FTCD: variants seen among roughly 807,000 people sequenced by gnomAD.
FTCD encodes formimidoyltransferase-cyclodeaminase.
A neutral mutation model predicts 62.9 loss-of-function variants in FTCD; 76 were observed. The ratio of observed to expected loss-of-function variants is 1.21; its 90% CI spans 1.00 to 1.46. The LOEUF (loss-of-function observed/expected upper bound fraction) is 1.46. Among genes scored for constraint, FTCD ranks in the 40% most tolerant of loss-of-function variants. FTCD has a pLI of 0.00. For missense variants in FTCD, 845 were observed against 751.3 expected (o/e 1.12, Z -1.46); for synonymous variants, 397 against 336.9 (o/e 1.18, Z -1.95).
Position 46,145,867 on chromosome 21 carries a change from C to A in FTCD, c.1049G>T (p.Arg350Leu), listed in dbSNP as rs746047395. 6.9e-7 allele frequency: 1 copy of A among 1,456,070 alleles called. No homozygotes were observed. Among genetic ancestry groups the A allele is most frequent in the South Asian group, 1.3e-5 (1 of 77,342 alleles). 90.2% of individuals were successfully genotyped at this position (1,456,070 alleles called of 1,614,324 possible). ...CGAGCCGCCCCCGGGGGCCGCAGAG[C>A]GGGCACCCACCTCCCCCACGAAGGC... ...LRAFVGEVGA[R>L]SAAPGGGSVA... Residue 350 changes from arginine to leucine, a missense_variant, in exon 9 of 14, where the codon CGC becomes CTC. Coordinates refer to ENST00000397746, the MANE Select transcript of FTCD (RefSeq NM_206965.2).
chr21:46,154,971 C>T (rs558613255), intron 1 of FTCD, among the ~76,000 whole-genome samples: 1 of 152,178 alleles, frequency 6.6e-6, no homozygotes, highest in Non-Finnish European at 1.5e-5. Context: ...GGCGAGAGGC[C>T]GGACCTGGGG....
intron 10 of FTCD, among the ~76,000 whole-genome samples, chr21:46,144,340 C>T (rs1438549238): frequency 6.9e-6 from 1 of 145,974 alleles, no homozygotes; most frequent in Non-Finnish European, 1.5e-5. Flanking sequence ...AACCCACAGA[C>T]CCTGTAGGGC....
At chr21:46,155,421 C>A (rs1045059012) in intron 1 of FTCD, 49 bp downstream of exon 1, 16 of 1,497,500 alleles carry the variant, frequency 1.1e-5, no homozygotes, top group Non-Finnish European at 1.5e-5. Flanking sequence ...CTTAGCCACT[C>A]AAGCTGCCCC....
intron 10 of FTCD, among the ~76,000 whole-genome samples, chr21:46,143,938 T>G (rs1944738416): frequency 6.6e-6 from 1 of 152,146 alleles, no homozygotes; most frequent in African/African-American, 2.4e-5. Context: ...CCTGTTTCAC[T>G]TTTATGTTCC....
At position 46,151,622 on chromosome 21, in the gene FTCD, C is replaced by T. The variant is rs776013471; in HGVS notation, c.572G>A (p.Gly191Asp). 1 of 1,612,908 alleles carries T rather than the reference C, an allele frequency of 6.2e-7. No homozygotes were observed. The highest frequency in any genetic ancestry group is 1.3e-5 in the African/African-American group (1 of 74,944). ...FLIAFNINLL[G>D]TKEQAHRIAL... ...GATGCGGTGGGCTTGCTCCTTTGTG[C>T]CGAGCAGGTTGATGTTAAAAGCAAT... Residue 191 changes from glycine to aspartate, a missense_variant, in exon 5 of 14, where the codon GGC (glycine) becomes GAC (aspartate). By Grantham distance (94) the Gly-to-Asp change is moderately conservative. Transcript: ENST00000397746.
In FTCD at chr21:46,137,257, G is replaced by T; in HGVS notation, c.1521C>A (p.Asp507Glu). The change falls in exon 13 of 14, where the codon GAC becomes GAA. Residue 507 changes from aspartate (D) to glutamate (E), a missense_variant. Physicochemically the swap from Asp to Glu is conservative, Grantham distance 45. Transcript: ENST00000397746. ...NVLINLRDITDEAFKDQIHHR... is the reference protein window; with the variant it reads ...NVLINLRDITEEAFKDQIHHR... Reference sequence around the variant, plus strand: ...TGCTCACCTGGTCCTTAAATGCCTCGTCTGTGATGTCCCTCAGGTTGATGA... The same window carrying T: ...TGCTCACCTGGTCCTTAAATGCCTCTTCTGTGATGTCCCTCAGGTTGATGA... 3.7e-6 allele frequency: 6 copies of T among 1,613,012 alleles called. No homozygotes were observed. The highest frequency in any genetic ancestry group is 5.1e-6 in the Non-Finnish European group (6 of 1,179,120).
intron 2 of FTCD, among the ~76,000 whole-genome samples, chr21:46,153,583 C>T (rs940559654): frequency 6.6e-6 from 1 of 152,224 alleles, no homozygotes; most frequent in Non-Finnish European, 1.5e-5. Flanking sequence ...CAGCCTCCCC[C>T]GCCTTTGCCG....
chr21:46,144,213 G>A (rs1298351693), intron 10 of FTCD, among the ~76,000 whole-genome samples: 9 of 151,428 alleles, frequency 5.9e-5, no homozygotes, highest in Admixed American at 5.9e-4. Flanking sequence ...AGGCATTCAG[G>A]GCCACTACCG....
rs576545917 is a variant in FTCD at position 46,143,756 on chromosome 21, T to G, written c.1260+1661A>C. On this transcript the variant is annotated intron_variant, in intron 10 of 13. Coordinates refer to ENST00000397746, the MANE Select transcript of FTCD (RefSeq NM_206965.2). Reference sequence around the variant, plus strand: ...CCAAGCGGAGCATGGTCTATGGTAGTGTCAGTGCCAAAGAAAAGCATCCGC... The same window carrying G: ...CCAAGCGGAGCATGGTCTATGGTAGGGTCAGTGCCAAAGAAAAGCATCCGC... Among the ~76,000 whole-genome samples the G allele has an allele frequency of 3.9e-5, 6 of 152,280 alleles. No homozygotes were observed. The East Asian group carries it at 9.7e-4, about 25-fold the overall frequency.
intron 10 of FTCD, among the ~76,000 whole-genome samples, chr21:46,141,285 G>A (rs1392766929): frequency 1.3e-5 from 2 of 150,398 alleles, no homozygotes; most frequent in South Asian, 2.1e-4. Flanking sequence ...ACAGGTACCT[G>A]CTACCACGCC....
intron 12 of FTCD, among the ~76,000 whole-genome samples, chr21:46,137,639 C>T (rs1340601135): frequency 6.6e-6 from 1 of 152,180 alleles, no homozygotes; most frequent in African/African-American, 2.4e-5. Flanking sequence ...CCCTGGAGGG[C>T]CCCCGGAGGC....
chr21:46,150,178 CG>C lies in FTCD; in HGVS notation c.846del (p.Ala283ProfsTer22). The part of the protein sequence containing the change: ...LVPLKALLDA[A>X]AFYCEKENLF... ...AGGTTCTCCTTCTCGCAGTAGAAGG[CG>C]GCCGCATCCAGCAGAGCCTTCAGGG... On this transcript the variant is annotated frameshift_variant, in exon 7 of 14. Transcript: ENST00000397746. LOFTEE classifies it high-confidence loss of function. The C allele has an allele frequency of 6.2e-7, 1 of 1,609,584 alleles. No individual in the cohort carries two copies. Among genetic ancestry groups the C allele is most frequent in the South Asian group, 1.1e-5 (1 of 90,354 alleles).
At chr21:46,146,060 T>G in intron 8 of FTCD, 113 bp from the exon 9 acceptor site, 5 of 741,870 alleles carry the variant, frequency 6.7e-6, no homozygotes, top group Non-Finnish European at 1.1e-5. Context: ...AGGTGACCAC[T>G]CGGCTGAGAA....
chr21:46,136,585 CCT>C, downstream of FTCD: 1 of 1,547,412 alleles, frequency 6.5e-7, no homozygotes, highest in Non-Finnish European at 8.7e-7. Context: ...CCTCTGAATA[CCT>C]GTGACCCTGC....
intron 7 of FTCD, chr21:46,146,562 C>CT: frequency 1.7e-6 from 1 of 586,614 alleles, no homozygotes; most frequent in African/African-American, 1.9e-5. Flanking sequence ...AGCCATCACC[C>CT]TGAGTTGCCC....
At chr21:46,144,916 G>A (rs1172535933) in intron 10 of FTCD, among the ~76,000 whole-genome samples, 1 of 151,328 alleles carries the variant, frequency 6.6e-6, no homozygotes, top group Non-Finnish European at 1.5e-5. Context: ...GTCCCGTTTG[G>A]AGGGAGGTGG....
At chr21:46,151,457 C>G in intron 5 of FTCD, 101 bp downstream of exon 5, 1 of 952,088 alleles carries the variant, frequency 1.1e-6, no homozygotes, top group Non-Finnish European at 1.5e-6. Flanking sequence ...CCTGTCCGGC[C>G]GGTGCCCCAT....
At chr21:46,150,670 T>C in intron 5 of FTCD, 145 bp from the exon 6 acceptor site, 1 of 870,984 alleles carries the variant, frequency 1.1e-6, no homozygotes, top group Non-Finnish European at 1.9e-6. Context: ...CGTCCCTCAC[T>C]GAGCTGGCCG....
At chr21:46,154,000 G>A (rs1458314573) in intron 2 of FTCD, 149 bp downstream of exon 2, 3 of 803,114 alleles carry the variant, frequency 3.7e-6, no homozygotes, top group Non-Finnish European at 4.3e-6. Context: ...CACACTCCAG[G>A]GTCCTCCTAG....
Sources: allele counts gnomAD v4.1 joint callset (sites outside exome capture counted in the v4.1 genomes callset), GRCh38; gene constraint gnomAD v4.1.1; transcripts MANE v1.5; gene names NCBI Gene and HGNC (gene_info 2026-07-23, HGNC 2026-07-21).